Variants in DCAKD observed in about 807,000 individuals in gnomAD.
The protein encoded by DCAKD is dephospho-CoA kinase domain containing, also known as dephospho-CoA kinase domain-containing protein.
In DCAKD, 15 loss-of-function variants were observed where a neutral mutation model predicts 18.7. The ratio of observed to expected loss-of-function variants is 0.80; its 90% CI spans 0.54 to 1.24. The LOEUF (loss-of-function observed/expected upper bound fraction) is 1.24, where lower values mean the gene tolerates loss of function less well. DCAKD is among the 50% of genes most tolerant of loss of function. The pLI, the probability that DCAKD is intolerant of heterozygous loss-of-function variation, is 0.00. For missense variants in DCAKD, 301 were observed against 322.0 expected (o/e 0.93, Z 0.50); for synonymous variants, 130 against 133.0 (o/e 0.98, Z 0.16).
chr17:45,057,369 G>T (rs2053792958), intron 1 of DCAKD, among the ~76,000 whole-genome samples: 1 of 151,408 alleles, frequency 6.6e-6, no homozygotes, highest in South Asian at 2.1e-4. Context: ...CCATAAGGCA[G>T]AACCGGGCCA....
At chr17:45,055,027 G>A (rs970036452), upstream of DCAKD, among the ~76,000 whole-genome samples, 1 of 152,198 alleles carries the variant, frequency 6.6e-6, no homozygotes, top group Non-Finnish European at 1.5e-5. Flanking sequence ...CCATAGGAAA[G>A]GGTGAAGGGC....
chr17:45,050,340 G>A (rs12950988), intron 1 of DCAKD, among the ~76,000 whole-genome samples: 39,992 of 152,032 alleles, frequency 0.26, 5,467 homozygotes, highest in South Asian at 0.33. Flanking sequence ...CACCGTGCCC[G>A]GCCCAGAGGG....
At chr17:45,034,736 T>G in intron 2 of DCAKD, 38 bp downstream of exon 2, 1 of 1,594,642 alleles carries the variant, frequency 6.3e-7, no homozygotes, top group Non-Finnish European at 8.6e-7. Flanking sequence ...CGTGGGGAGC[T>G]GCTGTGCACG....
intron 1 of DCAKD, among the ~76,000 whole-genome samples, chr17:45,056,868 C>T (rs144252103): frequency 4.0e-4 from 61 of 152,108 alleles, no homozygotes; most frequent in African/African-American, 1.4e-3. Flanking sequence ...CCCTGGTTTA[C>T]ACCGTTCTCC....
chr17:45,043,093 T>C (rs553106967), intron 1 of DCAKD, among the ~76,000 whole-genome samples: 1 of 152,266 alleles, frequency 6.6e-6, no homozygotes, highest in East Asian at 1.9e-4. Flanking sequence ...GCTCTGTCCC[T>C]TAACTAGCTG....
At chr17:45,030,692 C>T (rs560289828) in intron 3 of DCAKD, among the ~76,000 whole-genome samples, 1 of 152,320 alleles carries the variant, frequency 6.6e-6, no homozygotes, top group African/African-American at 2.4e-5. Flanking sequence ...AGGTGCAGGC[C>T]CAGCCCTGCT....
chr17:45,033,984 G>A (rs781668119), intron 3 of DCAKD: 4 of 1,589,222 alleles, frequency 2.5e-6, no homozygotes, highest in South Asian at 2.2e-5. Flanking sequence ...TCATTAAACT[G>A]TCAGCCTCCT....
Position 45,034,999 on chromosome 17 carries a change from C to T in DCAKD, c.-114G>A. The T allele has an allele frequency of 9.1e-7, 1 of 1,104,358 alleles. No individual in the cohort carries two copies. The allele number at this position is 1,104,358 out of a possible 1,614,324, so 68.4% of individuals were successfully genotyped here. On this transcript the variant is annotated splice_region_variant and 5_prime_UTR_variant, in exon 2 of 5. Transcript: ENST00000651974. ...GTCCACCAGAGGAGTGCCAGAAGGACCTGCTTGGGAGAGGCCAGCGGGACT... is the reference window on the plus strand; with the variant it reads ...GTCCACCAGAGGAGTGCCAGAAGGATCTGCTTGGGAGAGGCCAGCGGGACT...
At chr17:45,060,440 C>T (rs1375918140) in intron 1 of DCAKD, among the ~76,000 whole-genome samples, 2 of 151,722 alleles carry the variant, frequency 1.3e-5, no homozygotes, top group South Asian at 2.1e-4. Flanking sequence ...TGGGAGGATA[C>T]CTTGATTGCA....
At chr17:45,041,832 T>C (rs1450885806) in intron 1 of DCAKD, among the ~76,000 whole-genome samples, 1 of 148,782 alleles carries the variant, frequency 6.7e-6, no homozygotes, top group Non-Finnish European at 1.5e-5. Flanking sequence ...TCAAGAGCAA[T>C]GGGGGGCCAT....
At chr17:45,054,849 T>G (rs2053763635), upstream of DCAKD, among the ~76,000 whole-genome samples, 2 of 152,268 alleles carry the variant, frequency 1.3e-5, no homozygotes, top group South Asian at 4.1e-4. Context: ...ATTATCTGGA[T>G]CTTCCTGGGA....
chr17:45,043,651 G>A (rs1463465779), intron 1 of DCAKD, among the ~76,000 whole-genome samples: 1 of 152,220 alleles, frequency 6.6e-6, no homozygotes, highest in Non-Finnish European at 1.5e-5. Flanking sequence ...TGCTGCCACT[G>A]AGGAGTGCCC....
At chr17:45,032,183 G>A (rs2053183481) in intron 3 of DCAKD, 1 of 951,788 alleles carries the variant, frequency 1.1e-6, no homozygotes. Context: ...ACTCTGGGTG[G>A]GGGACGGGAA....
chr17:45,024,477 T>C lies in DCAKD; in HGVS notation c.652A>G (p.Ser218Gly). The change falls in exon 5 of 5, where the codon AGC (serine) becomes GGC (glycine). Residue 218 changes from serine to glycine, a missense_variant. Coordinates refer to ENST00000651974, the MANE Select transcript of DCAKD (RefSeq NM_001288655.2). Reference sequence around the variant, plus strand: ...TAGTGGGTGAGCAGGTAGAGGAGGCTGGCAATGGCAGCGAGCCCTGTGAGG... The same window carrying C: ...TAGTGGGTGAGCAGGTAGAGGAGGCCGGCAATGGCAGCGAGCCCTGTGAGG... The part of the protein sequence containing the change: ...GVLTGLAAIA[S>G]LLYLLTHYLL... 1 of 1,613,112 alleles carries C rather than the reference T, an allele frequency of 6.2e-7. No homozygotes were observed. The highest frequency in any genetic ancestry group is 8.5e-7 in the Non-Finnish European group (1 of 1,179,168).
In DCAKD at chr17:45,024,596, T is replaced by G; in HGVS notation, c.533A>C (p.Asn178Thr). 6.2e-7 allele frequency: 1 copy of G among 1,614,050 alleles called. No individual in the cohort carries two copies. The highest frequency in any genetic ancestry group is 8.5e-7 in the Non-Finnish European group (1 of 1,180,000). Residue 178 changes from asparagine (N) to threonine (T), a missense_variant, in exon 5 of 5, where the codon AAC (asparagine) becomes ACC (threonine). Asn to Thr is a moderately conservative substitution (Grantham distance 65). Transcript: ENST00000651974. ...TTTGGTGACACTCCACTCGCCCGAG[T>G]TGTCTAGGACATGGCGGGCCATGCG... ...KARMARHVLD[N>T]SGEWSVTKRQ...
intron 1 of DCAKD, among the ~76,000 whole-genome samples, chr17:45,040,549 T>C (rs973830743): frequency 5.9e-5 from 9 of 152,168 alleles, no homozygotes; most frequent in African/African-American, 2.2e-4. Flanking sequence ...AAGGAGCCAA[T>C]GCACTGTGCA....
intron 1 of DCAKD, among the ~76,000 whole-genome samples, chr17:45,045,621 A>G (rs2053549002): frequency 6.6e-6 from 1 of 151,722 alleles, no homozygotes; most frequent in Admixed American, 6.6e-5. Context: ...AGTCCCAGCT[A>G]CTTGGGAAGC....
At chr17:45,060,227 G>C (rs2053834458) in intron 1 of DCAKD, among the ~76,000 whole-genome samples, 1 of 152,160 alleles carries the variant, frequency 6.6e-6, no homozygotes, top group Non-Finnish European at 1.5e-5. Flanking sequence ...ACTTATTAAA[G>C]AAAGAGTTGA....
chr17:45,038,553 T>C (rs1451228987), intron 1 of DCAKD, among the ~76,000 whole-genome samples: 1 of 152,214 alleles, frequency 6.6e-6, no homozygotes, highest in Non-Finnish European at 1.5e-5. Flanking sequence ...GTAAGGAAGA[T>C]GAATCTGTTT....
Sources: allele counts gnomAD v4.1 joint callset (sites outside exome capture counted in the v4.1 genomes callset), GRCh38; gene constraint gnomAD v4.1.1; transcripts MANE v1.5; gene names NCBI Gene and HGNC (gene_info 2026-07-23, HGNC 2026-07-21).